The following MTHFD2L variants were observed in gnomAD, a reference collection of about 807,000 sequenced individuals.
MTHFD2L encodes methylenetetrahydrofolate dehydrogenase (NADP+ dependent) 2 like, also known as bifunctional methylenetetrahydrofolate dehydrogenase/cyclohydrolase 2, mitochondrial.
A neutral mutation model predicts 34.9 loss-of-function variants in MTHFD2L; 29 were observed. The observed-to-expected ratio is 0.83, with a 90% confidence interval of 0.62 to 1.13. The LOEUF is 1.13. Among genes scored for constraint, MTHFD2L ranks in the 50% most tolerant of loss-of-function variants. MTHFD2L has a pLI of 0.00. For synonymous variants in MTHFD2L, 167 were observed against 155.7 expected (o/e 1.07, Z -0.54); for missense variants, 481 against 446.5 (o/e 1.08, Z -0.70).
upstream of MTHFD2L, among the ~76,000 whole-genome samples, chr4:74,119,461 G>A (rs1461757016): frequency 6.6e-6 from 1 of 152,124 alleles, no homozygotes; most frequent in African/African-American, 2.4e-5. Context: ...AAGACTCTAA[G>A]ACTGCCAACA....
intron 6 of MTHFD2L, among the ~76,000 whole-genome samples, chr4:74,274,318 C>G (rs1746348948): frequency 6.6e-6 from 1 of 151,960 alleles, no homozygotes; most frequent in South Asian, 2.1e-4. Flanking sequence ...TCTGGTCAAT[C>G]AAAGGATTCC....
chr4:74,225,909 C>G (rs1323765779), intron 6 of MTHFD2L, among the ~76,000 whole-genome samples: 1 of 151,890 alleles, frequency 6.6e-6, no homozygotes, highest in African/African-American at 2.4e-5. Context: ...GGATAAGAAT[C>G]TTTCCAAAAA....
chr4:74,176,237 A>G (rs1039071797), intron 3 of MTHFD2L, among the ~76,000 whole-genome samples: 1 of 152,034 alleles, frequency 6.6e-6, no homozygotes, highest in Non-Finnish European at 1.5e-5. Flanking sequence ...TCAGCATTCT[A>G]TGGTCAGCTA....
intron 1 of MTHFD2L, among the ~76,000 whole-genome samples, chr4:74,134,218 C>A (rs189487251): frequency 2.0e-5 from 3 of 152,110 alleles, no homozygotes; most frequent in Non-Finnish European, 2.9e-5. Flanking sequence ...AATAGGGAAG[C>A]CAGGACTACC....
intron 7 of MTHFD2L, among the ~76,000 whole-genome samples, chr4:74,295,624 A>G (rs1749536672): frequency 6.6e-6 from 1 of 152,178 alleles, no homozygotes. Context: ...TGTTAAAAAT[A>G]CTTTAATCAT....
At chr4:74,251,714 G>A (rs1257540211) in intron 6 of MTHFD2L, among the ~76,000 whole-genome samples, 1 of 151,974 alleles carries the variant, frequency 6.6e-6, no homozygotes, top group Admixed American at 6.6e-5. Flanking sequence ...TCCATACCCT[G>A]GACATTCCTA....
At chr4:74,258,177 T>C (rs1330941513) in intron 6 of MTHFD2L, among the ~76,000 whole-genome samples, 1 of 152,086 alleles carries the variant, frequency 6.6e-6, no homozygotes, top group African/African-American at 2.4e-5. Context: ...TGGAGGTTCC[T>C]AAAAAAATTA....
intron 3 of MTHFD2L, among the ~76,000 whole-genome samples, chr4:74,189,814 G>A (rs1028978946): frequency 4.0e-5 from 6 of 151,374 alleles, no homozygotes; most frequent in Non-Finnish European, 7.4e-5. Context: ...ATCCTCATCT[G>A]TTTTTGAGTG....
At chr4:74,166,460 T>C (rs969733965) in intron 1 of MTHFD2L, among the ~76,000 whole-genome samples, 2 of 152,268 alleles carry the variant, frequency 1.3e-5, no homozygotes, top group Non-Finnish European at 2.9e-5. Context: ...TTTAAATTAG[T>C]TTACTTCTTC....
chr4:74,259,106 A>G (rs574864980), intron 6 of MTHFD2L, among the ~76,000 whole-genome samples: 13 of 152,262 alleles, frequency 8.5e-5, no homozygotes, highest in South Asian at 2.1e-4. Flanking sequence ...ACAGTATGAC[A>G]AAAACTTTAT....
chr4:74,171,126 A>G (rs1439230333), intron 1 of MTHFD2L, among the ~76,000 whole-genome samples: 1 of 152,068 alleles, frequency 6.6e-6, no homozygotes, highest in Non-Finnish European at 1.5e-5. Flanking sequence ...CTTAAAGTAT[A>G]ATAATAATAA....
chr4:74,284,172 A>T (rs1466668878), intron 7 of MTHFD2L, among the ~76,000 whole-genome samples: 1 of 152,186 alleles, frequency 6.6e-6, no homozygotes, highest in African/African-American at 2.4e-5. Flanking sequence ...GATGGGAATG[A>T]TTTATCCACA....
At chr4:74,191,620 A>G (rs1487653837) in intron 3 of MTHFD2L, among the ~76,000 whole-genome samples, 1 of 151,974 alleles carries the variant, frequency 6.6e-6, no homozygotes, top group African/African-American at 2.4e-5. Flanking sequence ...GCTTGATCTC[A>G]GCTCACTGCA....
intron 3 of MTHFD2L, 128 bp downstream of exon 3, chr4:74,175,531 G>T: frequency 1.0e-6 from 1 of 954,804 alleles, no homozygotes; most frequent in South Asian, 1.7e-5. Context: ...TATTTTACTA[G>T]TAATAGGTGT....
At chr4:74,156,192 A>C (rs913019325), upstream of MTHFD2L, among the ~76,000 whole-genome samples, 1 of 152,146 alleles carries the variant, frequency 6.6e-6, no homozygotes, top group Non-Finnish European at 1.5e-5. Context: ...CATACAAAAT[A>C]GTTTCACTGT....
chr4:74,280,629 TG>T (rs1189866659), intron 6 of MTHFD2L, among the ~76,000 whole-genome samples: 12 of 125,312 alleles, frequency 9.6e-5, no homozygotes, highest in Admixed American at 4.9e-4. Context: ...GATTGTTCAA[TG>T]TTTTTTTTTT....
chr4:74,182,897 A>G (rs955503715), intron 3 of MTHFD2L: 5 of 152,216 alleles, frequency 3.3e-5, no homozygotes, highest in Admixed American at 6.5e-5. Flanking sequence ...TACAAAAAGT[A>G]GGGCAGTAGA....
At chr4:74,227,390 G>T (rs770852740) in intron 6 of MTHFD2L, among the ~76,000 whole-genome samples, 2 of 151,982 alleles carry the variant, frequency 1.3e-5, no homozygotes, top group Admixed American at 6.6e-5. Flanking sequence ...TGAATATATC[G>T]CTGTAAAAAT....
At chr4:74,295,465 C>T (rs967855487) in intron 7 of MTHFD2L, among the ~76,000 whole-genome samples, 3 of 152,198 alleles carry the variant, frequency 2.0e-5, no homozygotes, top group Admixed American at 2.0e-4. Context: ...AATTCATTCC[C>T]ACCTTAGTGA....
Sources: gnomAD v4.1 joint callset for allele counts (sites outside exome capture counted in the v4.1 genomes callset) on GRCh38, gnomAD v4.1.1 for gene constraint, MANE v1.5 for transcripts, NCBI Gene and HGNC (gene_info 2026-07-23, HGNC 2026-07-21) for gene names.